Variants in HGF observed in about 807,000 individuals in gnomAD.
HGF encodes hepatocyte growth factor.
A neutral mutation model predicts 111.6 loss-of-function variants in HGF; 39 were observed. The observed-to-expected ratio is 0.35, with a 90% CI of 0.27 to 0.46. HGF has a LOEUF of 0.46. Among genes scored for constraint, HGF ranks in the 20% least tolerant of loss-of-function variants. HGF has a pLI of 1.00. For synonymous variants in HGF, 285 were observed against 294.8 expected, an observed-to-expected ratio of 0.97 and a Z score of 0.34; for missense variants, 735 against 910.5, an observed-to-expected ratio of 0.81 and a Z score of 2.48.
chr7:81,768,898 C>T (rs1388716799), intron 1 of HGF, among the ~76,000 whole-genome samples: 14 of 152,112 alleles, frequency 9.2e-5, no homozygotes, highest in Non-Finnish European at 7.4e-5. Context: ...TTTTTTAACC[C>T]TTGTACCATA....
chr7:81,741,938 CAA>C (rs71520767), intron 7 of HGF, among the ~76,000 whole-genome samples: 23 of 46,326 alleles, frequency 5.0e-4, no homozygotes, highest in Admixed American at 2.2e-3. Flanking sequence ...AACTCCATCT[CAA>C]AAAAAAAAAA....
chr7:81,734,494 T>G (rs1787761978), intron 7 of HGF, among the ~76,000 whole-genome samples: 1 of 152,180 alleles, frequency 6.6e-6, no homozygotes, highest in Non-Finnish European at 1.5e-5. Flanking sequence ...TGCTGTGATC[T>G]GATTGCTACA....
At chr7:81,739,990 G>T (rs974136955) in intron 7 of HGF, among the ~76,000 whole-genome samples, 2 of 151,986 alleles carry the variant, frequency 1.3e-5, no homozygotes, top group African/African-American at 4.8e-5. Context: ...TATCAATCAT[G>T]TACCTTGTCT....
chr7:81,724,860 T>G (rs1168773722), intron 9 of HGF, among the ~76,000 whole-genome samples: 6 of 152,198 alleles, frequency 3.9e-5, no homozygotes, highest in Admixed American at 3.9e-4. Flanking sequence ...CTCACCATCA[T>G]CTATTATTTT....
chr7:81,710,461 C>A (rs2115800429), intron 12 of HGF, among the ~76,000 whole-genome samples: 1 of 152,144 alleles, frequency 6.6e-6, no homozygotes, highest in East Asian at 1.9e-4. Flanking sequence ...CTCAGAAAAA[C>A]AAATAAACTC....
At chr7:81,744,803 C>G (rs1296340350) in intron 6 of HGF, among the ~76,000 whole-genome samples, 197 bp downstream of exon 6, 1 of 152,048 alleles carries the variant, frequency 6.6e-6, no homozygotes. Flanking sequence ...AATCTTTTTG[C>G]CCTTAGACTA....
intron 7 of HGF, among the ~76,000 whole-genome samples, chr7:81,740,836 C>T (rs1017789693): frequency 6.6e-6 from 1 of 152,152 alleles, no homozygotes; most frequent in Admixed American, 6.5e-5. Flanking sequence ...GAGGTAGGCA[C>T]CTTGATCAGG....
In HGF at chr7:81,769,893, GGATGGC is replaced by G. The variant is rs764462723; in HGVS notation, c.73_78del (p.Ala25_Ile26del). 8 of 1,565,400 alleles carry G rather than the reference GGATGGC, an allele frequency of 5.1e-6. No individual in the cohort carries two copies. The highest frequency in any genetic ancestry group is 6.9e-6 in the Non-Finnish European group (8 of 1,153,884). The stretch of plus-strand genomic sequence containing the variant: ...GAAGAAGGGAACTAACCTGCATAGG[GGATGGC>G]GATGGGGAGCAGGAGGAGATGCAGG... On this transcript the variant is annotated inframe_deletion, in exon 1 of 18. Transcript: ENST00000222390.
chr7:81,748,858 T>C (rs1194170188), intron 5 of HGF, among the ~76,000 whole-genome samples: 1 of 152,208 alleles, frequency 6.6e-6, no homozygotes, highest in Admixed American at 6.5e-5. Context: ...AACAGCTTTC[T>C]CATCATACTA....
At chr7:81,727,981 G>C (rs1220885373) in intron 8 of HGF, among the ~76,000 whole-genome samples, 1 of 152,084 alleles carries the variant, frequency 6.6e-6, no homozygotes, top group Non-Finnish European at 1.5e-5. Flanking sequence ...GATTCATGTC[G>C]ATTCATCACA....
intron 9 of HGF, 103 bp downstream of exon 9, chr7:81,725,787 A>G: frequency 7.6e-7 from 1 of 1,317,104 alleles, no homozygotes; most frequent in African/African-American, 1.4e-5. Context: ...AGCCAGCAAA[A>G]CCAGTGCAGC....
At chr7:81,742,602 T>C in intron 7 of HGF, 2 of 667,982 alleles carry the variant, frequency 3.0e-6, no homozygotes, top group South Asian at 4.3e-5. Context: ...GAAAACATTA[T>C]GTAATATTGT....
At chr7:81,763,024 G>A (rs1211900631) in intron 1 of HGF, 152 bp from the exon 2 acceptor site, 1 of 610,602 alleles carries the variant, frequency 1.6e-6, no homozygotes, top group Non-Finnish European at 2.9e-6. Context: ...GTGAGGTAGG[G>A]AATAGTTAAG....
At chr7:81,734,410 A>T (rs1051922318) in intron 7 of HGF, among the ~76,000 whole-genome samples, 2 of 152,092 alleles carry the variant, frequency 1.3e-5, no homozygotes, top group African/African-American at 2.4e-5. Context: ...GAAATTTTTC[A>T]CTGTCCTGTT....
chr7:81,732,507 G>A lies in HGF; in HGVS notation c.866-2728C>T, dbSNP rs1029044987. 5.3e-5 allele frequency among the ~76,000 whole-genome samples: 8 copies of A among 152,076 alleles called. No individual in the cohort carries two copies. The South Asian group carries it at 1.7e-3, about 32-fold the overall frequency. ...GCATGTTATTAGTCAAGGGTGATTC[G>A]AATTTCTAAGTAATTTTTCCAAAAA... On this transcript the variant is annotated intron_variant, in intron 7 of 17. Transcript: ENST00000222390.
At chr7:81,720,077 A>C (rs1789813642) in intron 10 of HGF, among the ~76,000 whole-genome samples, 1 of 152,194 alleles carries the variant, frequency 6.6e-6, no homozygotes, top group Non-Finnish European at 1.5e-5. Context: ...TTTTGTAAAC[A>C]CTAGCACTAT....
At position 81,758,724 on chromosome 7, in the gene HGF, A is replaced by C. The variant is rs766059183; in HGVS notation, c.335T>G (p.Phe112Cys). The C allele has an allele frequency of 1.2e-6, 2 of 1,612,374 alleles. No homozygotes were observed. The highest frequency in any genetic ancestry group is 2.7e-5 in the African/African-American group (2 of 74,864). The change falls in exon 3 of 18, where the codon TTT (phenylalanine) becomes TGT (cysteine). Residue 112 changes from phenylalanine to cysteine, a missense_variant. Transcript: ENST00000222390. ...NSMSSGVKKE[F>C]GHEFDLYENK... ...TTCATAGAGGTCAAATTCATGGCCA[A>C]ATTCTTTTTTCACTCCACTTGACAT...
At chr7:81,749,060 TATAA>T (rs1788387836) in intron 5 of HGF, among the ~76,000 whole-genome samples, 3 of 152,152 alleles carry the variant, frequency 2.0e-5, no homozygotes, top group Admixed American at 6.5e-5. Context: ...ATGTTTAAAA[TATAA>T]ATAGTCTCAC....
chr7:81,744,911 A>G, intron 6 of HGF, 89 bp downstream of exon 6: 1 of 1,400,754 alleles, frequency 7.1e-7, no homozygotes, highest in Admixed American at 1.7e-5. Context: ...GGAAAACATA[A>G]TATAAAGAGA....
Sources: allele counts gnomAD v4.1 joint callset (sites outside exome capture counted in the v4.1 genomes callset), GRCh38; gene constraint gnomAD v4.1.1; transcripts MANE v1.5; gene names NCBI Gene and HGNC (gene_info 2026-07-23, HGNC 2026-07-21).